The following ADGRE1 variants were observed in gnomAD, a reference collection of about 807,000 sequenced individuals.
The protein encoded by ADGRE1 is EGF-like module receptor 1.
Under a neutral mutation model 102.7 loss-of-function variants are expected in ADGRE1, and 82 were observed. That is an observed-to-expected ratio of 0.80 (90% CI 0.67 to 0.96). ADGRE1 has a LOEUF of 0.96. Among genes scored for constraint, ADGRE1 ranks in the 40% least tolerant of loss-of-function variants. The pLI, the probability that ADGRE1 is intolerant of heterozygous loss-of-function variation, is 0.00. For synonymous variants in ADGRE1, 398 were observed against 399.6 expected (o/e 1.00, Z 0.05); for missense variants, 1,032 against 1,085.3 (o/e 0.95, Z 0.69).
At chr19:6,916,022 G>A (rs1246554969) in intron 11 of ADGRE1, among the ~76,000 whole-genome samples, 1 of 151,494 alleles carries the variant, frequency 6.6e-6, no homozygotes, top group Non-Finnish European at 1.5e-5. Flanking sequence ...GCACCCCCTA[G>A]GAGATGAGAG....
At chr19:6,930,700 T>G (rs756862589) in intron 17 of ADGRE1, among the ~76,000 whole-genome samples, 3 of 152,170 alleles carry the variant, frequency 2.0e-5, no homozygotes, top group Non-Finnish European at 4.4e-5. Flanking sequence ...TGCAATGGCA[T>G]GATCTCAGCT....
At position 6,919,645 on chromosome 19, in the gene ADGRE1, G is replaced by C; in HGVS notation, c.1518G>C (p.Glu506Asp). ...ACCAGGCTCCCTTGACCACCTCTGA[G>C]ATCAAGCTGAAGATGAATTCTCGAG... ...KDHQAPLTTS[E>D]IKLKMNSRVV... is the part of the protein sequence containing the mutation. Residue 506 changes from glutamate (E) to aspartate (D), a missense_variant, in exon 13 of 21, where the codon GAG (glutamate) becomes GAC (aspartate). By Grantham distance (45) the Glu-to-Asp change is conservative (BLOSUM62 2). Transcript: ENST00000312053. The C allele has an allele frequency of 6.2e-7, 1 of 1,613,572 alleles. No individual in the cohort carries two copies. The highest frequency in any genetic ancestry group is 1.1e-5 in the South Asian group (1 of 91,040).
At chr19:6,925,370 G>A (rs150638978) in intron 15 of ADGRE1, among the ~76,000 whole-genome samples, 1,941 of 152,248 alleles carry the variant, frequency 0.013, 53 homozygotes, top group African/African-American at 0.045. Context: ...TGATCCACCC[G>A]CCTTGGTCTC....
intron 2 of ADGRE1, among the ~76,000 whole-genome samples, chr19:6,891,499 G>T (rs1014461219): frequency 1.5e-4 from 22 of 151,142 alleles, no homozygotes; most frequent in Non-Finnish European, 3.1e-4. Context: ...TGTTGCCCAG[G>T]CTGGAGTGCA....
At chr19:6,908,609 C>T in intron 9 of ADGRE1, 80 bp from the exon 10 acceptor site, 1 of 1,306,106 alleles carries the variant, frequency 7.7e-7, no homozygotes, top group Non-Finnish European at 1.0e-6. Flanking sequence ...GCTTTATGGG[C>T]TAATTTGTAG....
At chr19:6,937,685 G>T (rs1394906365) in intron 20 of ADGRE1, 37 bp downstream of exon 20, 13 of 1,598,090 alleles carry the variant, frequency 8.1e-6, no homozygotes, top group Non-Finnish European at 1.1e-5. Context: ...TGCTGGTCGA[G>T]GGAGGTGCCG....
At chr19:6,916,445 A>G (rs113136195) in intron 12 of ADGRE1, 77 bp downstream of exon 12, 14 of 1,529,630 alleles carry the variant, frequency 9.2e-6, no homozygotes, top group African/African-American at 4.1e-5. Context: ...TCTAGGTGCC[A>G]AGACCAGTGC....
chr19:6,891,382 G>A (rs758667425), intron 2 of ADGRE1, among the ~76,000 whole-genome samples: 3 of 151,890 alleles, frequency 2.0e-5, no homozygotes, highest in African/African-American at 2.4e-5. Context: ...TGTTCCCAGT[G>A]TCTCTGTTTC....
chr19:6,915,944 A>C (rs1198781871), intron 11 of ADGRE1, among the ~76,000 whole-genome samples: 4 of 151,214 alleles, frequency 2.6e-5, no homozygotes, highest in African/African-American at 9.7e-5. Flanking sequence ...AAAAAAAAAA[A>C]AACTTAGAGA....
intron 5 of ADGRE1, 130 bp downstream of exon 5, chr19:6,897,677 A>G (rs1973614352): frequency 7.4e-6 from 7 of 950,512 alleles, no homozygotes; most frequent in Non-Finnish European, 1.0e-5. Context: ...GTAAAAATAT[A>G]TAGTTGCTTA....
chr19:6,917,717 G>A (rs2144966449), intron 12 of ADGRE1, among the ~76,000 whole-genome samples: 1 of 141,178 alleles, frequency 7.1e-6, no homozygotes, highest in Non-Finnish European at 1.5e-5. Context: ...TCCAGCCTGG[G>A]TGACAGAATG....
chr19:6,937,196 C>G (rs376887653), intron 18 of ADGRE1, 47 bp from the exon 19 acceptor site: 132 of 1,574,134 alleles, frequency 8.4e-5, no homozygotes, highest in Non-Finnish European at 1.1e-4. Context: ...CCTGCAAGGA[C>G]AATAGCCACC....
chr19:6,940,325 C>T lies in ADGRE1; in HGVS notation c.*296C>T, dbSNP rs943066931. 9.8e-6 allele frequency: 5 copies of T among 511,828 alleles called. No homozygotes were observed. The highest frequency in any genetic ancestry group is 9.6e-5 in the African/African-American group (5 of 51,994). 31.7% of individuals were successfully genotyped at this position (511,828 alleles called of 1,614,324 possible). On this transcript the variant is annotated 3_prime_UTR_variant, in exon 21 of 21. Transcript: ENST00000312053. ...TGGCATGACCAAGAACACCTGGCTA[C>T]CATTTTGTTTTCTCCTGCCCTTGTT...
chr19:6,928,351 C>T (rs558683990), intron 17 of ADGRE1, 140 bp downstream of exon 17: 22 of 1,536,006 alleles, frequency 1.4e-5, no homozygotes, highest in African/African-American at 4.1e-5. Context: ...CCAGGCCGGG[C>T]GTGGTGGCTC....
rs1014993475 is a variant in ADGRE1 at position 6,923,779 on chromosome 19, C to T, written c.1792-899C>T. Among the ~76,000 whole-genome samples, 4 of 151,738 alleles carry T rather than the reference C, an allele frequency of 2.6e-5. No homozygotes were observed. In the East Asian group the frequency reaches 5.8e-4, roughly 22 times the overall value. On this transcript the variant is annotated intron_variant, in intron 14 of 20. Transcript: ENST00000312053. ...TTTCAAGCTTCTGAGCTCAGGTGAT[C>T]CACCCGCCCCAGCCTCCCATAAGTG...
intron 1 of ADGRE1, among the ~76,000 whole-genome samples, chr19:6,889,340 G>A (rs1300496722): frequency 6.6e-6 from 1 of 151,962 alleles, no homozygotes; most frequent in East Asian, 1.9e-4. Flanking sequence ...GATAATGATG[G>A]CGATAATGAT....
At chr19:6,922,950 A>G (rs552563874) in intron 14 of ADGRE1, among the ~76,000 whole-genome samples, 196 of 150,414 alleles carry the variant, frequency 1.3e-3, no homozygotes, top group Non-Finnish European at 2.3e-3. Flanking sequence ...GGTGGCGGGC[A>G]CCTGCAGTCC....
chr19:6,889,815 T>G (rs1973291480), intron 1 of ADGRE1, among the ~76,000 whole-genome samples: 1 of 151,882 alleles, frequency 6.6e-6, no homozygotes. Context: ...ATCTTATACA[T>G]AAAAGAGTAA....
At chr19:6,913,262 T>C (rs905766156) in intron 10 of ADGRE1, among the ~76,000 whole-genome samples, 2 of 152,176 alleles carry the variant, frequency 1.3e-5, no homozygotes, top group Admixed American at 1.3e-4. Flanking sequence ...CACTGCAAGC[T>C]CTGCCTCCTG....
Sources: allele counts gnomAD v4.1 joint callset (sites outside exome capture counted in the v4.1 genomes callset), GRCh38; gene constraint gnomAD v4.1.1; transcripts MANE v1.5; gene names NCBI Gene and HGNC (gene_info 2026-07-23, HGNC 2026-07-21).